The following TENT5D variants were observed in gnomAD, a reference collection of about 807,000 sequenced individuals.
TENT5D encodes the protein terminal nucleotidyltransferase 5D, also known as cancer/testis antigen 112.
For missense variants in TENT5D, 191 were observed against 287.0 expected (o/e 0.67, Z 2.42); for synonymous variants, 103 against 100.6 (o/e 1.02, Z -0.15).
chrX:80,367,244 CT>C lies in TENT5D; in HGVS notation c.-142+24681del, dbSNP rs1371229516. On this transcript the variant is annotated intron_variant, in intron 3 of 4. Coordinates refer to the TENT5D transcript ENST00000538312. ...TAACAGTTCAATTACAATTAGAATT[CT>C]GATTTTGAGCAATCATCAGAGAAAC... Among the ~76,000 whole-genome samples, 4 of 111,458 alleles carry C rather than the reference CT, an allele frequency of 3.6e-5. No individual in the cohort carries two copies. In the East Asian group the frequency reaches 1.1e-3, roughly 32 times the overall value.
At chrX:80,407,237 T>C (rs1278134226) in intron 3 of TENT5D, among the ~76,000 whole-genome samples, 2 of 108,481 alleles carry the variant, frequency 1.8e-5, no homozygotes, top group Admixed American at 2.0e-4. Flanking sequence ...CAGGATCAAA[T>C]CCACACATAA....
intron 3 of TENT5D, among the ~76,000 whole-genome samples, chrX:80,386,584 A>G (rs1391632030): frequency 2.7e-5 from 3 of 111,792 alleles, no homozygotes; most frequent in Non-Finnish European, 5.6e-5. Flanking sequence ...AAATCTAAAA[A>G]AATAAAATAG....
chrX:80,347,080 A>G (rs763873814), intron 3 of TENT5D, among the ~76,000 whole-genome samples: 1 of 111,684 alleles, frequency 9.0e-6, no homozygotes, highest in Non-Finnish European at 1.9e-5. Flanking sequence ...TATATCATTG[A>G]TGGGCATTTG....
At chrX:80,366,479 A>G (rs1049813399) in intron 3 of TENT5D, among the ~76,000 whole-genome samples, 23 of 111,567 alleles carry the variant, frequency 2.1e-4, no homozygotes, top group Admixed American at 9.6e-5. Flanking sequence ...TTTGCCTGTT[A>G]TCATTTTACT....
chrX:80,390,755 G>A (rs1931108084), intron 3 of TENT5D, among the ~76,000 whole-genome samples: 1 of 111,261 alleles, frequency 9.0e-6, no homozygotes, highest in African/African-American at 3.3e-5. Flanking sequence ...ATGAACATGG[G>A]AATAAATGTC....
intron 2 of TENT5D, among the ~76,000 whole-genome samples, chrX:80,338,614 C>G (rs1003107996): frequency 1.7e-4 from 19 of 112,408 alleles, no homozygotes; most frequent in Non-Finnish European, 3.2e-4. Flanking sequence ...AGTCAAGATT[C>G]TAAGCCACTT....
chrX:80,345,493 A>G (rs1217786909), intron 3 of TENT5D, among the ~76,000 whole-genome samples: 1 of 111,243 alleles, frequency 9.0e-6, no homozygotes, highest in South Asian at 3.9e-4. Context: ...ATCCAGGTGC[A>G]TATTGGAGGT....
chrX:80,340,011 A>T (rs1393063766), intron 2 of TENT5D, among the ~76,000 whole-genome samples: 2 of 110,628 alleles, frequency 1.8e-5, no homozygotes, highest in Non-Finnish European at 3.8e-5. Flanking sequence ...ATGAAGTTTT[A>T]TTATTACTTG....
intron 3 of TENT5D, among the ~76,000 whole-genome samples, chrX:80,388,606 T>C (rs1931067369): frequency 8.9e-6 from 1 of 112,027 alleles, no homozygotes; most frequent in South Asian, 3.8e-4. Flanking sequence ...GCTGAGCTGG[T>C]GTCCAAGTTG....
At chrX:80,341,327 C>CT (rs1929952529) in intron 2 of TENT5D, among the ~76,000 whole-genome samples, 1 of 112,156 alleles carries the variant, frequency 8.9e-6, no homozygotes, top group Non-Finnish European at 1.9e-5. Flanking sequence ...GAAAAGCTGG[C>CT]TTTTATATGG....
intron 3 of TENT5D, among the ~76,000 whole-genome samples, chrX:80,387,785 A>G (rs1931048392): frequency 9.0e-6 from 1 of 111,699 alleles, no homozygotes; most frequent in South Asian, 3.8e-4. Flanking sequence ...CTCTACAGTA[A>G]GCAAGTGGCG....
At chrX:80,411,167 C>T (rs1437054728) in intron 3 of TENT5D, among the ~76,000 whole-genome samples, 2 of 106,222 alleles carry the variant, frequency 1.9e-5, no homozygotes, top group African/African-American at 6.9e-5. Flanking sequence ...GTGGGTGCAG[C>T]GCACCAGCAT....
At chrX:80,348,817 A>T (rs897921041) in intron 3 of TENT5D, among the ~76,000 whole-genome samples, 2 of 111,706 alleles carry the variant, frequency 1.8e-5, no homozygotes, top group African/African-American at 6.5e-5. Flanking sequence ...AGCTCTTATT[A>T]TTTTGAGATA....
At chrX:80,435,828 T>C (rs1413038813) in intron 1 of TENT5D, among the ~76,000 whole-genome samples, 3 of 112,594 alleles carry the variant, frequency 2.7e-5, no homozygotes, top group African/African-American at 9.7e-5. Context: ...TATCTAGATG[T>C]TAGTGGAACA....
chrX:80,338,220 C>T (rs1929889944), intron 2 of TENT5D, among the ~76,000 whole-genome samples: 2 of 111,715 alleles, frequency 1.8e-5, no homozygotes, highest in Admixed American at 1.9e-4. Context: ...CTCCTTTCAC[C>T]GTTAGAACAG....
intron 3 of TENT5D, among the ~76,000 whole-genome samples, chrX:80,366,177 A>C (rs1366744826): frequency 1.0e-5 from 1 of 96,857 alleles, no homozygotes; most frequent in African/African-American, 3.7e-5. Context: ...TCTAGTGGTG[A>C]GTTTGAGAGA....
intron 3 of TENT5D, among the ~76,000 whole-genome samples, chrX:80,409,840 C>A: frequency 9.7e-6 from 1 of 103,547 alleles, no homozygotes; most frequent in East Asian, 3.1e-4. Flanking sequence ...TACCTGACTT[C>A]AAACTATACT....
At chrX:80,374,879 A>G (rs773441136) in intron 3 of TENT5D, among the ~76,000 whole-genome samples, 5 of 111,220 alleles carry the variant, frequency 4.5e-5, no homozygotes, top group Non-Finnish European at 7.5e-5. Context: ...AAAATAAGAA[A>G]TGCTCTATTG....
intron 1 of TENT5D, among the ~76,000 whole-genome samples, chrX:80,432,095 G>A: frequency 9.0e-6 from 1 of 110,755 alleles, no homozygotes; most frequent in Non-Finnish European, 1.9e-5. Context: ...TGCCCAGTAA[G>A]ACTATATCCC....
Sources: allele counts gnomAD v4.1 joint callset (sites outside exome capture counted in the v4.1 genomes callset), GRCh38; gene constraint gnomAD v4.1.1; transcripts MANE v1.5; gene names NCBI Gene and HGNC (gene_info 2026-07-23, HGNC 2026-07-21).